The following GABRA2 variants were observed in gnomAD, a reference collection of about 807,000 sequenced individuals.
GABRA2 encodes the protein gamma-aminobutyric acid receptor subunit alpha-2.
GABRA2 carries 16 observed loss-of-function variants against 48.7 expected under a neutral mutation model. The ratio of observed to expected loss-of-function variants is 0.33; its 90% CI spans 0.22 to 0.50. The LOEUF (loss-of-function observed/expected upper bound fraction) is 0.50, where lower values mean the gene tolerates loss of function less well. Ranked by LOEUF, GABRA2 falls within the 20% of genes least tolerant of loss-of-function variation. The pLI is 0.98. For missense variants in GABRA2, 275 were observed against 535.6 expected (o/e 0.51, Z 4.80); for synonymous variants, 185 against 184.5 (o/e 1.00, Z -0.02).
At chr4:46,350,540 T>C (rs952279497) in intron 3 of GABRA2, among the ~76,000 whole-genome samples, 1 of 151,846 alleles carries the variant, frequency 6.6e-6, no homozygotes, top group Non-Finnish European at 1.5e-5. Flanking sequence ...CACATGCATC[T>C]ATCTATATAT....
At chr4:46,308,853 A>G (rs1314373757) in intron 6 of GABRA2, among the ~76,000 whole-genome samples, 1 of 146,918 alleles carries the variant, frequency 6.8e-6, no homozygotes, top group African/African-American at 2.5e-5. Flanking sequence ...TGCCTTAATG[A>G]CAATACCTTG....
At chr4:46,375,615 TATC>T (rs1395031198) in intron 3 of GABRA2, among the ~76,000 whole-genome samples, 1 of 152,186 alleles carries the variant, frequency 6.6e-6, no homozygotes. Context: ...CTTCTGTAGA[TATC>T]ATAATTCTCT....
chr4:46,351,815 C>A (rs1277327954), intron 3 of GABRA2, among the ~76,000 whole-genome samples: 1 of 151,972 alleles, frequency 6.6e-6, no homozygotes, highest in Non-Finnish European at 1.5e-5. Flanking sequence ...TTCATTTGCA[C>A]TCAAATTTTA....
chr4:46,376,606 G>A (rs997138516), intron 3 of GABRA2, among the ~76,000 whole-genome samples: 1 of 152,140 alleles, frequency 6.6e-6, no homozygotes, highest in Non-Finnish European at 1.5e-5. Context: ...ATGGGTAGTG[G>A]CCAGGCGTAG....
At chr4:46,339,385 G>A (rs1160095477) in intron 3 of GABRA2, among the ~76,000 whole-genome samples, 3 of 151,718 alleles carry the variant, frequency 2.0e-5, no homozygotes, top group Non-Finnish European at 4.4e-5. Context: ...TAGAAGTTAA[G>A]TTCCATGAAG....
chr4:46,244,337 TG>T lies in GABRA2; in HGVS notation c.*5970del, dbSNP rs746944848. On this transcript the variant is annotated 3_prime_UTR_variant, in exon 10 of 10. Transcript: ENST00000381620. ...TAACTCTTGCTTTCTTAGCATCAGT[TG>T]TTTTTACAAATAAACTTTGTTGGAA... 2.3e-4 allele frequency: 35 copies of T among 151,682 alleles called. No homozygotes were observed. Among genetic ancestry groups the T allele is most frequent in the Non-Finnish European group, 4.3e-4 (29 of 67,748 alleles). The allele number at this position is 151,682 out of a possible 1,614,324, so 9.4% of individuals were successfully genotyped here.
chr4:46,389,106 GGAGGAAAGGA>G, intron 1 of GABRA2: 3 of 1,005,168 alleles, frequency 3.0e-6, no homozygotes, highest in Non-Finnish European at 3.6e-6. Flanking sequence ...GGAGGGGAGG[GGAGGAAAGGA>G]GAGGAGAGGA....
intron 9 of GABRA2, among the ~76,000 whole-genome samples, chr4:46,253,788 G>A (rs1715269125): frequency 6.6e-6 from 1 of 151,396 alleles, no homozygotes; most frequent in East Asian, 2.0e-4. Flanking sequence ...CAATCCTATG[G>A]TGCTGCATCT....
At chr4:46,361,276 TC>T (rs1241135669) in intron 3 of GABRA2, among the ~76,000 whole-genome samples, 2 of 151,290 alleles carry the variant, frequency 1.3e-5, no homozygotes, top group Non-Finnish European at 2.9e-5. Flanking sequence ...TGGCCGAGGG[TC>T]CCCCTGCTGT....
chr4:46,374,700 T>C (rs1311113128), intron 3 of GABRA2, among the ~76,000 whole-genome samples: 1 of 152,094 alleles, frequency 6.6e-6, no homozygotes, highest in Admixed American at 6.5e-5. Flanking sequence ...GACCTTATTT[T>C]AGTATATTTT....
At chr4:46,340,883 T>C (rs550373512) in intron 3 of GABRA2, among the ~76,000 whole-genome samples, 1 of 152,164 alleles carries the variant, frequency 6.6e-6, no homozygotes, top group South Asian at 2.1e-4. Context: ...GTATGCTTTA[T>C]GTGTTCTCTA....
chr4:46,327,633 T>G (rs1730617053), intron 4 of GABRA2, among the ~76,000 whole-genome samples: 1 of 152,040 alleles, frequency 6.6e-6, no homozygotes, highest in African/African-American at 2.4e-5. Flanking sequence ...TGACCAGATA[T>G]TAAAACTCAC....
At chr4:46,381,483 A>G (rs1222869731) in intron 3 of GABRA2, among the ~76,000 whole-genome samples, 1 of 152,210 alleles carries the variant, frequency 6.6e-6, no homozygotes, top group Non-Finnish European at 1.5e-5. Flanking sequence ...TACCAAATGC[A>G]TAAGGCCTAC....
chr4:46,335,496 G>A lies in GABRA2; in HGVS notation c.188-2814C>T, dbSNP rs556158076. 3.9e-5 allele frequency among the ~76,000 whole-genome samples: 6 copies of A among 152,120 alleles called. No individual in the cohort carries two copies. The South Asian group carries it at 1.0e-3, about 26-fold the overall frequency. On this transcript the variant is annotated intron_variant, in intron 3 of 9. Transcript: ENST00000381620. ...TTTTTGTTGTTTTTGTTCTTTAGAT[G>A]GAATTTCGCTCTTATTGCCCAGGCT...
intron 4 of GABRA2, among the ~76,000 whole-genome samples, chr4:46,326,775 C>A (rs1335331925): frequency 6.6e-6 from 1 of 151,900 alleles, no homozygotes; most frequent in Non-Finnish European, 1.5e-5. Context: ...CTATTGGGCT[C>A]CAGATCTATG....
At chr4:46,324,209 C>T (rs111834172) in intron 4 of GABRA2, among the ~76,000 whole-genome samples, 5,497 of 151,914 alleles carry the variant, frequency 0.036, 132 homozygotes, top group Middle Eastern at 0.061. Flanking sequence ...TTGGTTTTAC[C>T]GTAATAGATG....
At chr4:46,385,470 T>C (rs1226667568) in intron 3 of GABRA2, among the ~76,000 whole-genome samples, 1 of 152,072 alleles carries the variant, frequency 6.6e-6, no homozygotes, top group African/African-American at 2.4e-5. Context: ...GAATAAAAAA[T>C]GTTTAAATTT....
chr4:46,272,100 A>T (rs1323130542), intron 8 of GABRA2, among the ~76,000 whole-genome samples: 2 of 151,994 alleles, frequency 1.3e-5, no homozygotes, highest in Non-Finnish European at 2.9e-5. Context: ...CTAGGGTGCC[A>T]ATTCTCCTAA....
In GABRA2 at chr4:46,267,603, TG is replaced by T. The variant is rs1397745453; in HGVS notation, c.857-5476del. On this transcript the variant is annotated intron_variant, in intron 8 of 9. Coordinates refer to ENST00000381620, the MANE Select transcript of GABRA2 (RefSeq NM_000807.4). ...TGGAAATCAGATTCTGACCATTCTC[TG>T]GGGTTTGTTGTTATTGTTGAAGTAC... Among the ~76,000 whole-genome samples the T allele has an allele frequency of 5.3e-5, 8 of 152,222 alleles. No individual in the cohort carries two copies. In the South Asian group the frequency reaches 1.7e-3, roughly 32 times the overall value.
Sources: allele counts gnomAD v4.1 joint callset (sites outside exome capture counted in the v4.1 genomes callset), GRCh38; gene constraint gnomAD v4.1.1; transcripts MANE v1.5; gene names NCBI Gene and HGNC (gene_info 2026-07-23, HGNC 2026-07-21).